The following ZNF44 variants were observed in gnomAD, a reference collection of about 807,000 sequenced individuals.
ZNF44 encodes zinc finger protein 44.
In ZNF44, 9 loss-of-function variants were observed where a neutral mutation model predicts 11.7. The observed-to-expected ratio is 0.77, with a 90% CI of 0.46 to 1.35. The LOEUF is 1.35. Ranked by LOEUF, ZNF44 falls within the 40% of genes most tolerant of loss-of-function variation. The probability of loss-of-function intolerance (pLI) is 0.00; values close to 1 mark genes in which losing one functional copy is unlikely to be tolerated. For synonymous variants in ZNF44, 224 were observed against 242.7 expected, an observed-to-expected ratio of 0.92 and a Z score of 0.72; for missense variants, 696 against 743.1, an observed-to-expected ratio of 0.94 and a Z score of 0.74.
At chr19:12,294,565 G>C in intron 1 of ZNF44, 127 bp downstream of exon 1, 1 of 1,312,942 alleles carries the variant, frequency 7.6e-7, no homozygotes. Context: ...ACCGAGGTGC[G>C]CAGGGGGCGC....
At chr19:12,230,383 T>TG in intron 3 of ZNF44, 1 of 152,374 alleles carries the variant, frequency 6.6e-6, no homozygotes, top group Non-Finnish European at 1.5e-5. Flanking sequence ...TTAGTCCCAC[T>TG]GGTCCTCTGA....
chr19:12,240,556 C>G (rs1468987035), upstream of ZNF44, among the ~76,000 whole-genome samples: 2 of 151,498 alleles, frequency 1.3e-5, no homozygotes, highest in Non-Finnish European at 2.9e-5. Context: ...TTCCTGATTT[C>G]AAACTGGCTA....
intron 2 of ZNF44, 31 bp from the exon 3 acceptor site, chr19:12,275,064 AATT>A (rs746054949): frequency 4.0e-6 from 6 of 1,494,530 alleles, no homozygotes; most frequent in Non-Finnish European, 4.5e-6. Context: ...ATTCACTATA[AATT>A]ATTACAAAAT....
intron 5 of ZNF44, among the ~76,000 whole-genome samples, chr19:12,263,084 C>CT (rs113781753): frequency 0.012 from 1,673 of 143,038 alleles, 3 homozygotes; most frequent in South Asian, 0.022. Context: ...ATTCATCAAT[C>CT]TTTTTTTTTT....
chr19:12,228,894 TTTTG>T (rs1022572568), intron 3 of ZNF44, among the ~76,000 whole-genome samples: 2 of 152,184 alleles, frequency 1.3e-5, no homozygotes, highest in African/African-American at 4.8e-5. Context: ...TGAGTCATAG[TTTTG>T]TTTGTTTTGA....
intron 5 of ZNF44, among the ~76,000 whole-genome samples, chr19:12,258,093 G>A (rs1329979086): frequency 6.8e-6 from 1 of 146,642 alleles, no homozygotes; most frequent in Non-Finnish European, 1.5e-5. Context: ...GGAGGCTGAG[G>A]TAGGAGGACT....
At chr19:12,287,768 CAT>C (rs1967829052) in intron 1 of ZNF44, among the ~76,000 whole-genome samples, 2 of 152,208 alleles carry the variant, frequency 1.3e-5, no homozygotes, top group South Asian at 2.1e-4. Context: ...GCAATAAACA[CAT>C]GAGTGCAGGG....
At chr19:12,292,858 T>TTTG (rs1339437774) in intron 1 of ZNF44, among the ~76,000 whole-genome samples, 1 of 102,652 alleles carries the variant, frequency 9.7e-6, no homozygotes, top group East Asian at 2.2e-4. Context: ...AGGTTAGGTT[T>TTTG]TTTTTTTTTT....
intron 1 of ZNF44, among the ~76,000 whole-genome samples, chr19:12,292,850 G>A (rs906379465): frequency 2.2e-5 from 3 of 135,232 alleles, no homozygotes; most frequent in African/African-American, 8.7e-5. Context: ...TGTCCCAGAG[G>A]TTAGGTTTTT....
At chr19:12,240,768 C>A (rs564802337), upstream of ZNF44, among the ~76,000 whole-genome samples, 3 of 152,110 alleles carry the variant, frequency 2.0e-5, no homozygotes, top group South Asian at 2.1e-4. Flanking sequence ...AAAGTTGGAC[C>A]CTTACCTTAT....
At chr19:12,291,711 G>T (rs78088043) in intron 1 of ZNF44, among the ~76,000 whole-genome samples, 2 of 151,798 alleles carry the variant, frequency 1.3e-5, no homozygotes, top group African/African-American at 4.8e-5. Flanking sequence ...AAAGAAAAAG[G>T]CTGCGTGCAG....
rs1967102933 is a variant in ZNF44 at position 12,273,997 on chromosome 19, C to G, written c.258G>C (p.Gln86His). ...DGSQCGETLSQIRNSIVNKNT... is the reference protein window; with the variant it reads ...DGSQCGETLSHIRNSIVNKNT... ...TCTTGTTTACAATACTATTTCGAAT[C>G]TGGCTTAAGGTTTCTCCACACTGAC... is the stretch of plus-strand genomic sequence containing the variant. Residue 86 changes from glutamine (Q) to histidine (H), a missense_variant, in exon 4 of 4, where the codon CAG becomes CAC. Physicochemically the swap from Gln to His is conservative, Grantham distance 24. Coordinates refer to ENST00000355684, the MANE Select transcript of ZNF44 (RefSeq NM_016264.4). 1 of 1,614,010 alleles carries G rather than the reference C, an allele frequency of 6.2e-7. No homozygotes were observed. Among genetic ancestry groups the G allele is most frequent in the Non-Finnish European group, 8.5e-7 (1 of 1,179,944 alleles).
At chr19:12,235,922 CTG>C (rs912664472) in intron 1 of ZNF44, among the ~76,000 whole-genome samples, 15 of 152,192 alleles carry the variant, frequency 9.9e-5, no homozygotes, top group African/African-American at 2.9e-4. Context: ...GGTAAGGTGT[CTG>C]TGCCTAGGGA....
chr19:12,266,959 A>G (rs1227225964), downstream of ZNF44, among the ~76,000 whole-genome samples: 2 of 152,090 alleles, frequency 1.3e-5, no homozygotes, highest in East Asian at 3.9e-4. Flanking sequence ...TCCAGGGGTC[A>G]GGAATTTGGA....
chr19:12,229,640 G>A (rs1306075508), intron 3 of ZNF44, among the ~76,000 whole-genome samples: 1 of 149,118 alleles, frequency 6.7e-6, no homozygotes, highest in Admixed American at 6.7e-5. Context: ...TTGAGACTTT[G>A]TCTTGCTCTG....
rs113137049 is a variant in ZNF44, at chr19:12,260,249, G to A, written c.1913-9881C>T. 2.8e-5 allele frequency: 23 copies of A among 811,198 alleles called. 1 individual carries two copies. Among genetic ancestry groups the A allele is most frequent in the African/African-American group, 6.7e-5 (4 of 59,818 alleles). 50.3% of individuals were successfully genotyped at this position (811,198 alleles called of 1,614,324 possible). The stretch of plus-strand genomic sequence containing the variant: ...GCCCCAGCTCCTTCCGCTACAACGG[G>A]CTGATTCACCACAAGACTGTGGGCG... On this transcript the variant is annotated intron_variant and NMD_transcript_variant, in intron 5 of 7. Transcript: ENST00000393337.
At position 12,273,258 on chromosome 19, in the gene ZNF44, C is replaced by T. The variant is rs776724227; in HGVS notation, c.997G>A (p.Gly333Arg). The T allele has an allele frequency of 1.9e-6, 3 of 1,614,150 alleles. No individual in the cohort carries two copies. Among genetic ancestry groups the T allele is most frequent in the Non-Finnish European group, 2.5e-6 (3 of 1,180,022 alleles). Residue 333 changes from glycine (G) to arginine (R), a missense_variant, in exon 4 of 4, where the codon GGA (glycine) becomes AGA (arginine). Physicochemically the swap from Gly to Arg is moderately radical, Grantham distance 125. Coordinates refer to ENST00000355684, the MANE Select transcript of ZNF44 (RefSeq NM_016264.4). ...SFQRHMIMHS[G>R]DGPHKCKICG... is the part of the protein sequence containing the mutation. ...ATCTTACATTTATGAGGTCCATCTC[C>T]ACTGTGCATTATCATGTGTCTTTGA...
chr19:12,227,605 T>G (rs1248404206), intron 3 of ZNF44, among the ~76,000 whole-genome samples: 1 of 152,132 alleles, frequency 6.6e-6, no homozygotes, highest in African/African-American at 2.4e-5. Context: ...AAAATCCGTC[T>G]CAGAAAAAAA....
chr19:12,285,035 C>T, intron 1 of ZNF44: 2 of 698,174 alleles, frequency 2.9e-6, no homozygotes, highest in South Asian at 1.6e-5. Flanking sequence ...TTGATGTCAT[C>T]TCTAAGACCT....
Sources: gnomAD v4.1 joint callset for allele counts (sites outside exome capture counted in the v4.1 genomes callset) on GRCh38, gnomAD v4.1.1 for gene constraint, MANE v1.5 for transcripts, NCBI Gene and HGNC (gene_info 2026-07-23, HGNC 2026-07-21) for gene names.